Variants in UST observed in about 807,000 individuals in gnomAD.
UST encodes the protein chondroitin sulfate 2-O-sulfotransferase.
Under a neutral mutation model 45.6 loss-of-function variants are expected in UST, and 21 were observed. The observed-to-expected ratio is 0.46, with a 90% CI of 0.33 to 0.66. The LOEUF is 0.66. Ranked by LOEUF, UST falls within the 30% of genes least tolerant of loss-of-function variation. UST has a pLI of 0.02. For missense variants in UST, 463 were observed against 512.4 expected, an observed-to-expected ratio of 0.90 and a Z score of 0.93; for synonymous variants, 215 against 200.6, an observed-to-expected ratio of 1.07 and a Z score of -0.61.
chr6:148,976,906 G>C (rs1423994041), intron 5 of UST, among the ~76,000 whole-genome samples: 1 of 151,978 alleles, frequency 6.6e-6, no homozygotes, highest in African/African-American at 2.4e-5. Flanking sequence ...TGGCTTCTGA[G>C]TTTTGTGTTA....
rs548755197 is a variant in UST at position 148,772,793 on chromosome 6, G to A, written c.247+25116G>A. Among the ~76,000 whole-genome samples, 12 of 152,058 alleles carry A rather than the reference G, an allele frequency of 7.9e-5. No homozygotes were observed. The South Asian group carries it at 2.5e-3, about 32-fold the overall frequency. The stretch of plus-strand genomic sequence containing the variant: ...CTGGGCCAGAATCTTTCTCAGAGGG[G>A]GAAATTCCAAATGAACATATTTTGA... On this transcript the variant is annotated intron_variant, in intron 1 of 7. Transcript: ENST00000367463.
chr6:148,791,604 A>T (rs933696349), intron 1 of UST, among the ~76,000 whole-genome samples: 1 of 152,322 alleles, frequency 6.6e-6, no homozygotes, highest in Non-Finnish European at 1.5e-5. Flanking sequence ...ATCACTAAGC[A>T]CTGTGAGAAG....
At chr6:148,925,333 C>G (rs1779790856) in intron 2 of UST, among the ~76,000 whole-genome samples, 1 of 151,940 alleles carries the variant, frequency 6.6e-6, no homozygotes, top group Non-Finnish European at 1.5e-5. Context: ...AATTCTCAGG[C>G]AAAAGCAGGC....
At chr6:148,806,866 C>T (rs887241265) in intron 1 of UST, among the ~76,000 whole-genome samples, 3 of 152,116 alleles carry the variant, frequency 2.0e-5, no homozygotes, top group African/African-American at 7.2e-5. Context: ...ATCAGGAACC[C>T]ACTCCCTTGA....
chr6:148,878,498 T>C (rs1314239771), intron 1 of UST, among the ~76,000 whole-genome samples: 1 of 102,556 alleles, frequency 9.8e-6, no homozygotes, highest in African/African-American at 3.9e-5. Flanking sequence ...AGTACAGGGA[T>C]TGTGTATGAG....
intron 1 of UST, among the ~76,000 whole-genome samples, chr6:148,761,306 G>A (rs1313157659): frequency 6.6e-6 from 1 of 152,080 alleles, no homozygotes; most frequent in South Asian, 2.1e-4. Flanking sequence ...CTTCTGCTCC[G>A]CCTCCCTCCA....
intron 1 of UST, among the ~76,000 whole-genome samples, chr6:148,787,535 T>C (rs1410934330): frequency 6.6e-6 from 1 of 152,218 alleles, no homozygotes; most frequent in Admixed American, 6.5e-5. Context: ...TCTATTCTGT[T>C]CCATAGGTCT....
chr6:148,808,405 A>G (rs1050970013), intron 1 of UST, among the ~76,000 whole-genome samples: 3 of 151,734 alleles, frequency 2.0e-5, no homozygotes, highest in African/African-American at 7.3e-5. Flanking sequence ...TTCCTAGGAG[A>G]GATGGCTTTT....
rs56994081 is a variant in UST, at chr6:149,058,345, ATGTGTGTGTGTG to A, written c.938-15456_938-15445del. ...GCCTCCTCCCTGCCAAAGGAGGAGC[ATGTGTGTGTGTG>A]TGTGTGTGTGTGTGTGTGTGTGTGT... On this transcript the variant is annotated intron_variant, in intron 7 of 7. Transcript: ENST00000367463. 8.2e-4 allele frequency among the ~76,000 whole-genome samples: 98 copies of A among 119,816 alleles called. 1 individual carries two copies. Among genetic ancestry groups the A allele is most frequent in the African/African-American group, 1.8e-3 (62 of 33,942 alleles). The allele number at this position is 119,816 out of a possible 152,430, so 78.6% of individuals were successfully genotyped here.
At chr6:148,789,147 G>A (rs1440513172) in intron 1 of UST, among the ~76,000 whole-genome samples, 3 of 152,178 alleles carry the variant, frequency 2.0e-5, no homozygotes, top group Non-Finnish European at 2.9e-5. Context: ...TAAGCTACTA[G>A]GTTCTTGGCA....
intron 5 of UST, among the ~76,000 whole-genome samples, chr6:149,017,149 G>A (rs537535250): frequency 3.3e-5 from 5 of 152,204 alleles, no homozygotes; most frequent in East Asian, 1.9e-4. Flanking sequence ...AGGCCGAGGC[G>A]GGCGGATCAT....
chr6:148,989,477 C>T lies in UST; in HGVS notation c.681+24914C>T, dbSNP rs138458052. Among the ~76,000 whole-genome samples the T allele has an allele frequency of 1.5e-4, 23 of 152,252 alleles. No individual in the cohort carries two copies. In the East Asian group the frequency reaches 4.4e-3, roughly 29 times the overall value. On this transcript the variant is annotated intron_variant, in intron 5 of 7. Transcript: ENST00000367463. ...TTAAATTAAAAAGTAAGCCATGAGACTATTACCAAAATAAAAGGAAAGCAA... is the reference window on the plus strand; with the variant it reads ...TTAAATTAAAAAGTAAGCCATGAGATTATTACCAAAATAAAAGGAAAGCAA...
chr6:149,073,840 G>T lies in UST; in HGVS notation c.945G>T (p.Arg315Ser). Residue 315 changes from arginine (R) to serine (S), a missense_variant, in exon 8 of 8, where the codon AGG becomes AGT. By Grantham distance (110) the Arg-to-Ser change is moderately radical. This residue lies in a region of UST where 287 missense variants were observed against 374.2 expected (regional missense o/e 0.77). Transcript: ENST00000367463. ...ACCCCGGTTCTCTTCCAGAGCACAG[G>T]AAGCTTGGAAACATGACTGTGACGG... Reference protein sequence around the residue: ...VLSIYKDPEHRKLGNMTVTVK... With the variant: ...VLSIYKDPEHSKLGNMTVTVK... The T allele has an allele frequency of 6.2e-7, 1 of 1,613,176 alleles. No homozygotes were observed. Among genetic ancestry groups the T allele is most frequent in the Non-Finnish European group, 8.5e-7 (1 of 1,179,162 alleles).
At chr6:148,976,373 G>C (rs1037814643) in intron 5 of UST, among the ~76,000 whole-genome samples, 1 of 152,178 alleles carries the variant, frequency 6.6e-6, no homozygotes, top group Admixed American at 6.5e-5. Flanking sequence ...GAATACAGCA[G>C]AGTTAAGAGA....
chr6:149,014,894 C>A (rs1367711168), intron 5 of UST, among the ~76,000 whole-genome samples: 2 of 152,160 alleles, frequency 1.3e-5, no homozygotes, highest in African/African-American at 4.8e-5. Context: ...CCCTGTTGCA[C>A]TGTCAATAGG....
At chr6:148,958,066 G>A (rs905118432) in intron 4 of UST, among the ~76,000 whole-genome samples, 5 of 152,044 alleles carry the variant, frequency 3.3e-5, no homozygotes, top group African/African-American at 1.2e-4. Flanking sequence ...ATAGCTAATT[G>A]CCCTTTCTTT....
chr6:148,903,987 T>G (rs1314157478), intron 2 of UST, among the ~76,000 whole-genome samples: 2 of 152,158 alleles, frequency 1.3e-5, no homozygotes, highest in Non-Finnish European at 2.9e-5. Flanking sequence ...TGGAGAACAT[T>G]CAGAAACTAA....
chr6:148,898,416 G>T (rs939515059), intron 2 of UST, among the ~76,000 whole-genome samples: 1 of 152,146 alleles, frequency 6.6e-6, no homozygotes, highest in South Asian at 2.1e-4. Context: ...ACATAATAGG[G>T]TTATTGTTTT....
In UST at chr6:148,955,331, G is replaced by A. The variant is rs74978443; in HGVS notation, c.527+1380G>A. Among the ~76,000 whole-genome samples, 975 of 152,344 alleles carry A rather than the reference G, an allele frequency of 6.4e-3. 6 individuals carry two copies. Among genetic ancestry groups the A allele is most frequent in the Non-Finnish European group, 9.8e-3 (665 of 68,020 alleles). On this transcript the variant is annotated intron_variant, in intron 4 of 7. Transcript: ENST00000367463. ...CATCCAAGGACTTCCCTGCTATGCA[G>A]CAGGTCCTGTGCAAGTTAAGTGCAA...
Sources: allele counts gnomAD v4.1 joint callset (sites outside exome capture counted in the v4.1 genomes callset), GRCh38; gene constraint gnomAD v4.1.1; regional missense constraint gnomAD v4.1.1; transcripts MANE v1.5; gene names NCBI Gene and HGNC (gene_info 2026-07-23, HGNC 2026-07-21).